The following TNNI3K variants were observed in gnomAD, a reference collection of about 807,000 sequenced individuals.
TNNI3K encodes the protein serine/threonine-protein kinase TNNI3K.
A neutral mutation model predicts 114.5 loss-of-function variants in TNNI3K; 140 were observed. That is an observed-to-expected ratio of 1.22 (90% CI 1.07 to 1.41). TNNI3K has a LOEUF of 1.41. TNNI3K is among the 40% of genes most tolerant of loss of function. TNNI3K has a pLI of 0.00. For missense variants in TNNI3K, 1,125 were observed against 1,007.6 expected (o/e 1.12, Z -1.58); for synonymous variants, 347 against 347.5 (o/e 1.00, Z 0.02).
intron 17 of TNNI3K, among the ~76,000 whole-genome samples, chr1:74,384,737 C>T (rs1663385603): frequency 6.6e-6 from 1 of 151,984 alleles, no homozygotes; most frequent in Non-Finnish European, 1.5e-5. Flanking sequence ...TTCATGTGAA[C>T]CTGAAAAAAA....
intron 17 of TNNI3K, chr1:74,401,784 A>G: frequency 2.3e-6 from 1 of 438,474 alleles, no homozygotes; most frequent in South Asian, 1.6e-5. Context: ...TTGCTATGTA[A>G]TTAATTCAAA....
At chr1:74,463,042 A>G (rs1490421886) in intron 20 of TNNI3K, among the ~76,000 whole-genome samples, 1 of 152,218 alleles carries the variant, frequency 6.6e-6, no homozygotes, top group Non-Finnish European at 1.5e-5. Flanking sequence ...GTGGTATTCC[A>G]TGTTTACTAC....
intron 23 of TNNI3K, among the ~76,000 whole-genome samples, chr1:74,521,758 A>G (rs1646436593): frequency 6.6e-6 from 1 of 152,190 alleles, no homozygotes; most frequent in African/African-American, 2.4e-5. Context: ...AGGGTCTCAT[A>G]AATGAATACA....
intron 5 of TNNI3K, among the ~76,000 whole-genome samples, chr1:74,303,606 G>T (rs1658457025): frequency 6.6e-6 from 1 of 152,208 alleles, no homozygotes; most frequent in Non-Finnish European, 1.5e-5. Flanking sequence ...GATGAATGTT[G>T]CTTTCCTGCC....
chr1:74,336,919 C>T (rs1014433281), intron 7 of TNNI3K, among the ~76,000 whole-genome samples: 64 of 152,040 alleles, frequency 4.2e-4, no homozygotes, highest in Non-Finnish European at 7.6e-4. Context: ...CCTGAGGAAT[C>T]GCCACACTGA....
intron 24 of TNNI3K, among the ~76,000 whole-genome samples, chr1:74,542,784 GA>G (rs1646741259): frequency 6.6e-6 from 1 of 152,182 alleles, no homozygotes; most frequent in African/African-American, 2.4e-5. Flanking sequence ...TCACTTTCAT[GA>G]AGCAATGAAT....
intron 18 of TNNI3K, 99 bp from the exon 19 acceptor site, chr1:74,436,375 A>G: frequency 1.5e-6 from 2 of 1,353,844 alleles, no homozygotes; most frequent in Non-Finnish European, 2.0e-6. Flanking sequence ...GAATTTGAAT[A>G]AGACAGAAGT....
chr1:74,426,139 G>A (rs1665630464), intron 17 of TNNI3K, among the ~76,000 whole-genome samples: 1 of 152,106 alleles, frequency 6.6e-6, no homozygotes, highest in Non-Finnish European at 1.5e-5. Flanking sequence ...TCGCTAAGGG[G>A]AGATGGAGAT....
chr1:74,367,730 C>A (rs1040471364), intron 12 of TNNI3K, among the ~76,000 whole-genome samples, 178 bp from the exon 13 acceptor site: 2 of 151,880 alleles, frequency 1.3e-5, no homozygotes, highest in Non-Finnish European at 2.9e-5. Flanking sequence ...TCTAAAAAAT[C>A]TTTTTATGCA....
intron 5 of TNNI3K, among the ~76,000 whole-genome samples, chr1:74,328,924 A>G (rs897879771): frequency 4.6e-5 from 7 of 152,094 alleles, no homozygotes; most frequent in African/African-American, 1.7e-4. Context: ...ATCTACCTTG[A>G]TTGCTAGGGG....
chr1:74,364,291 C>T (rs1358561664), intron 11 of TNNI3K, among the ~76,000 whole-genome samples: 3 of 151,846 alleles, frequency 2.0e-5, no homozygotes, highest in African/African-American at 7.3e-5. Flanking sequence ...AGTCAAGACA[C>T]TCAGCCAAAT....
intron 23 of TNNI3K, among the ~76,000 whole-genome samples, chr1:74,513,901 A>G (rs1022525589): frequency 6.6e-6 from 1 of 152,216 alleles, no homozygotes; most frequent in African/African-American, 2.4e-5. Context: ...CAAAGCTCAG[A>G]TGCATCTGGT....
At chr1:74,290,522 C>T (rs1353132561) in intron 5 of TNNI3K, among the ~76,000 whole-genome samples, 1 of 151,588 alleles carries the variant, frequency 6.6e-6, no homozygotes, top group Non-Finnish European at 1.5e-5. Flanking sequence ...AAGTAAAATG[C>T]TCTAAATGCC....
chr1:74,399,909 G>A (rs561463975), intron 17 of TNNI3K, among the ~76,000 whole-genome samples: 1 of 152,246 alleles, frequency 6.6e-6, no homozygotes, highest in South Asian at 2.1e-4. Flanking sequence ...TACATTGTGG[G>A]AATTTAGGGA....
intron 5 of TNNI3K, among the ~76,000 whole-genome samples, chr1:74,276,557 C>T (rs1184173081): frequency 6.6e-6 from 1 of 152,022 alleles, no homozygotes; most frequent in Non-Finnish European, 1.5e-5. Context: ...CCTTACTATG[C>T]TAAAAATTTA....
At chr1:74,524,377 T>A (rs796737264) in intron 23 of TNNI3K, among the ~76,000 whole-genome samples, 9 of 152,318 alleles carry the variant, frequency 5.9e-5, no homozygotes, top group African/African-American at 2.2e-4. Context: ...CTTCTGCACC[T>A]GACACTGTGC....
At chr1:74,299,519 A>G (rs1305309321) in intron 5 of TNNI3K, among the ~76,000 whole-genome samples, 1 of 152,136 alleles carries the variant, frequency 6.6e-6, no homozygotes, top group Non-Finnish European at 1.5e-5. Flanking sequence ...CTTTGAAAAC[A>G]ACCTGTATTG....
intron 5 of TNNI3K, among the ~76,000 whole-genome samples, chr1:74,301,562 C>T (rs1158482339): frequency 3.9e-5 from 6 of 152,210 alleles, no homozygotes; most frequent in Admixed American, 2.0e-4. Flanking sequence ...AGTCACAAGT[C>T]CCCTAAAAAA....
chr1:74,404,444 T>A (rs1273727574), intron 17 of TNNI3K, among the ~76,000 whole-genome samples: 2 of 152,214 alleles, frequency 1.3e-5, no homozygotes, highest in Admixed American at 1.3e-4. Flanking sequence ...AATATTTGAC[T>A]GTGCTTGCTA....
Sources: gnomAD v4.1 joint callset for allele counts (sites outside exome capture counted in the v4.1 genomes callset) on GRCh38, gnomAD v4.1.1 for gene constraint, MANE v1.5 for transcripts, NCBI Gene and HGNC (gene_info 2026-07-23, HGNC 2026-07-21) for gene names.